GRM4: variants seen among roughly 807,000 people sequenced by gnomAD.
GRM4 encodes the protein glutamate metabotropic receptor 4, also known as metabotropic glutamate receptor 4.
In GRM4, 28 loss-of-function variants were observed where a neutral mutation model predicts 81.7. That is an observed-to-expected ratio of 0.34 (90% CI 0.25 to 0.47). GRM4 has a LOEUF of 0.47. GRM4 is among the 20% of genes least tolerant of loss of function. The pLI, the probability that GRM4 is intolerant of heterozygous loss-of-function variation, is 1.00. For missense variants in GRM4, 948 were observed against 1,290.0 expected (o/e 0.73, Z 4.06); for synonymous variants, 488 against 528.8 (o/e 0.92, Z 1.06).
At chr6:34,154,869 G>A (rs1020212722) in intron 1 of GRM4, among the ~76,000 whole-genome samples, 1 of 152,204 alleles carries the variant, frequency 6.6e-6, no homozygotes, top group African/African-American at 2.4e-5. Flanking sequence ...ATTCCCGCGC[G>A]CCCGAGCGCG....
chr6:34,067,805 T>G (rs1766563772), intron 3 of GRM4, among the ~76,000 whole-genome samples: 1 of 141,004 alleles, frequency 7.1e-6, no homozygotes. Flanking sequence ...AGCCTGAGCA[T>G]GCAGGTGGCA....
rs1406220418 is a variant in GRM4, at chr6:34,047,503, C to A, written c.1169-6755G>T. On this transcript the variant is annotated intron_variant, in intron 6 of 10. Coordinates refer to ENST00000538487, the MANE Select transcript of GRM4 (RefSeq NM_000841.4). The surrounding 1 kb of genome is among the most constrained non-coding windows in gnomAD (Gnocchi z 4.5). ...CCAGAAGTCACCAGCCAGGATCTCC[C>A]TGGCCCAGAGTCACACGCTTGCTTT... 6.6e-6 allele frequency among the ~76,000 whole-genome samples: 1 copy of A among 152,168 alleles called. No homozygotes were observed. Among genetic ancestry groups the A allele is most frequent in the Non-Finnish European group, 1.5e-5 (1 of 68,034 alleles).
intron 1 of GRM4, among the ~76,000 whole-genome samples, chr6:34,135,945 T>C (rs757037915): frequency 1.8e-4 from 27 of 152,204 alleles, no homozygotes; most frequent in Non-Finnish European, 3.4e-4. Flanking sequence ...TTTCAGTTGT[T>C]GCAATGATGG....
upstream of GRM4, among the ~76,000 whole-genome samples, chr6:34,147,272 C>T (rs938617327): frequency 3.9e-5 from 6 of 152,216 alleles, no homozygotes; most frequent in African/African-American, 1.2e-4. Context: ...TGTAAACACA[C>T]GACTGAACGC....
intron 3 of GRM4, among the ~76,000 whole-genome samples, chr6:34,073,146 CAT>C (rs1491073955): frequency 5.0e-5 from 3 of 60,270 alleles, no homozygotes; most frequent in East Asian, 9.2e-4. Flanking sequence ...CACACACACA[CAT>C]CACCACAGAC....
In GRM4 at chr6:34,133,168, G is replaced by C. The variant is rs1458454550; in HGVS notation, c.329C>G (p.Ser110Cys). Reference protein sequence around the residue: ...TLGARILDTCSRDTHALEQSL... With the variant: ...TLGARILDTCCRDTHALEQSL... Reference sequence around the variant, plus strand: ...CTGCTCGAGGGCATGGGTGTCCCTGGAGCAGGTGTCCAGAATGCGGGCGCC... The same window carrying C: ...CTGCTCGAGGGCATGGGTGTCCCTGCAGCAGGTGTCCAGAATGCGGGCGCC... Residue 110 changes from serine (S) to cysteine (C), a missense_variant, in exon 2 of 11, where the codon TCC becomes TGC. Coordinates refer to ENST00000538487, the MANE Select transcript of GRM4 (RefSeq NM_000841.4). The surrounding 1 kb of genome is among the most constrained non-coding windows in gnomAD (Gnocchi z 6.5). The C allele has an allele frequency of 6.2e-7, 1 of 1,613,886 alleles. No individual in the cohort carries two copies. Among genetic ancestry groups the C allele is most frequent in the Non-Finnish European group, 8.5e-7 (1 of 1,179,900 alleles).
chr6:34,140,002 A>T (rs1244420852), intron 1 of GRM4, among the ~76,000 whole-genome samples: 1 of 152,112 alleles, frequency 6.6e-6, no homozygotes, highest in Non-Finnish European at 1.5e-5. Context: ...TGGGCACAGG[A>T]CGAACAACAA....
chr6:34,080,526 TA>T lies in GRM4; in HGVS notation c.736+11356del, dbSNP rs1767529650. Among the ~76,000 whole-genome samples, 3 of 152,122 alleles carry T rather than the reference TA, an allele frequency of 2.0e-5. No individual in the cohort carries two copies. In the South Asian group the frequency reaches 6.2e-4, roughly 32 times the overall value. On this transcript the variant is annotated intron_variant, in intron 3 of 10. Transcript: ENST00000538487. The surrounding 1 kb of genome is among the most constrained non-coding windows in gnomAD (Gnocchi z 5.4). Reference sequence around the variant, plus strand: ...AATAAATATTCATTCTGCAGATGAATAAATTACTGTGGAGGAAAGGGATGCA... The same window carrying T: ...AATAAATATTCATTCTGCAGATGAATAATTACTGTGGAGGAAAGGGATGCA...
rs1341632170 is a variant in GRM4, at chr6:34,029,902, G to C, written c.2443-1536C>G. Among the ~76,000 whole-genome samples the C allele has an allele frequency of 1.3e-5, 2 of 152,228 alleles. 1 individual carries two copies. Among genetic ancestry groups the C allele is most frequent in the African/African-American group, 4.8e-5 (2 of 41,454 alleles). The stretch of plus-strand genomic sequence containing the variant: ...GCAGAGCTCCGAGGGGAAGGAGGCC[G>C]AGAGTGGCCACTGGTTCAGGGAAAT... On this transcript the variant is annotated intron_variant, in intron 9 of 10. Transcript: ENST00000538487.
At chr6:34,038,808 G>A (rs1187570749) in intron 8 of GRM4, among the ~76,000 whole-genome samples, 1 of 152,224 alleles carries the variant, frequency 6.6e-6, no homozygotes, top group Non-Finnish European at 1.5e-5. Context: ...TTCCTGGGGA[G>A]GGGACTTTCA....
At position 34,132,990 on chromosome 6, in the gene GRM4, A is replaced by T; in HGVS notation, c.507T>A (p.Leu169=). 6.2e-7 allele frequency: 1 copy of T among 1,603,606 alleles called. No homozygotes were observed. Among genetic ancestry groups the T allele is most frequent in the East Asian group, 2.2e-5 (1 of 44,726 alleles). ...CCAAGGCACTGACCTTGAAGAGGCGAAGGATGTTGGCCACCATGATGGAGA... is the reference window on the plus strand; with the variant it reads ...CCAAGGCACTGACCTTGAAGAGGCGTAGGATGTTGGCCACCATGATGGAGA... ...SSVSIMVANI[L]RLFKIPQISY... Residue 169 remains leucine (L), a synonymous_variant, in exon 2 of 11, where the codon CTT becomes CTA. Coordinates refer to ENST00000538487, the MANE Select transcript of GRM4 (RefSeq NM_000841.4).
upstream of GRM4, among the ~76,000 whole-genome samples, chr6:34,149,491 C>T (rs1344746399): frequency 3.9e-5 from 6 of 152,256 alleles, no homozygotes; most frequent in Non-Finnish European, 8.8e-5. Context: ...AGCCGTAAGT[C>T]ACCCCGCAGG....
intron 6 of GRM4, chr6:34,055,356 T>G (rs1256960599): frequency 6.6e-6 from 1 of 152,084 alleles, no homozygotes; most frequent in Non-Finnish European, 1.5e-5. Flanking sequence ...GCAGATCAGG[T>G]GGGTTTGGCT....
chr6:34,100,503 C>A (rs1339177947), intron 2 of GRM4, among the ~76,000 whole-genome samples: 1 of 152,218 alleles, frequency 6.6e-6, no homozygotes, highest in African/African-American at 2.4e-5. Flanking sequence ...AGCCTCCCCC[C>A]ATACACTCTC....
At position 34,090,144 on chromosome 6, in the gene GRM4, C is replaced by G. The variant is rs1423660685; in HGVS notation, c.736+1739G>C. Among the ~76,000 whole-genome samples, 1 of 152,180 alleles carries G rather than the reference C, an allele frequency of 6.6e-6. No homozygotes were observed. Among genetic ancestry groups the G allele is most frequent in the Non-Finnish European group, 1.5e-5 (1 of 68,022 alleles). ...GGGCAGGAAGGACTGCCCAGGACAG[C>G]AGGTGCTGGGCACAGAGGGAGGCCT... On this transcript the variant is annotated intron_variant, in intron 3 of 10. Transcript: ENST00000538487. The surrounding 1 kb of genome is among the most constrained non-coding windows in gnomAD (Gnocchi z 5.2).
intron 3 of GRM4, among the ~76,000 whole-genome samples, chr6:34,087,622 C>T (rs1043555187): frequency 2.6e-5 from 4 of 151,666 alleles, no homozygotes; most frequent in African/African-American, 7.3e-5. Flanking sequence ...TTCCCTGGTG[C>T]AGCCTCAGCC....
rs552217482 is a variant in GRM4, at chr6:34,152,570, C to G, written c.312+2509G>C. 2.0e-5 allele frequency among the ~76,000 whole-genome samples: 3 copies of G among 152,210 alleles called. No individual in the cohort carries two copies. The highest frequency in any genetic ancestry group is 4.2e-4 in the South Asian group (2 of 4,818). On this transcript the variant is annotated intron_variant, in intron 1 of 8. Coordinates refer to the GRM4 transcript ENST00000374177. The surrounding 1 kb of genome is among the most constrained non-coding windows in gnomAD (Gnocchi z 4.1). ...TCAGCTTTCTCCCTCTCTTCCTGTA[C>G]CCACCTCCCAGCAACCGACCCATCA...
Position 34,092,789 on chromosome 6 carries a change from G to A in GRM4, c.520-690C>T, listed in dbSNP as rs768109069. 8.6e-5 allele frequency among the ~76,000 whole-genome samples: 13 copies of A among 152,002 alleles called. No homozygotes were observed. Among genetic ancestry groups the A allele is most frequent in the South Asian group, 2.1e-4 (1 of 4,824 alleles). On this transcript the variant is annotated intron_variant, in intron 2 of 10. Transcript: ENST00000538487. This position sits in a 1 kb window ranked among gnomAD's most constrained non-coding sequence, Gnocchi z 6.8. ...CGACCCGGGGCCCTGCCCCAGCCCC[G>A]GGGCTTTCCAGTCACGGGGCATCTT...
At chr6:34,105,275 G>A (rs766114957) in intron 2 of GRM4, among the ~76,000 whole-genome samples, 41 of 152,062 alleles carry the variant, frequency 2.7e-4, no homozygotes, top group Non-Finnish European at 4.9e-4. Context: ...GGCTCTGGGG[G>A]CTTCCACTGG....
Sources: allele counts gnomAD v4.1 joint callset (sites outside exome capture counted in the v4.1 genomes callset), GRCh38; gene constraint gnomAD v4.1.1; non-coding constraint Gnocchi (gnomAD v3.1); transcripts MANE v1.5; gene names NCBI Gene and HGNC (gene_info 2026-07-23, HGNC 2026-07-21).